The following MYO7A variants were observed in gnomAD, a reference collection of about 807,000 sequenced individuals.
The protein encoded by MYO7A is unconventional myosin-VIIa.
A neutral mutation model predicts 263.8 loss-of-function variants in MYO7A; 210 were observed. That is an observed-to-expected ratio of 0.80 (90% CI 0.71 to 0.89). The LOEUF is 0.89. MYO7A is among the 40% of genes least tolerant of loss of function. The probability of loss-of-function intolerance (pLI) is 0.00; values close to 1 mark genes in which losing one functional copy is unlikely to be tolerated. For synonymous variants in MYO7A, 1,239 were observed against 1,197.3 expected, an observed-to-expected ratio of 1.03 and a Z score of -0.72; for missense variants, 2,820 against 2,968.3, an observed-to-expected ratio of 0.95 and a Z score of 1.16.
intron 37 of MYO7A, among the ~76,000 whole-genome samples, chr11:77,202,816 G>C (rs1186851082): frequency 6.6e-6 from 1 of 152,056 alleles, no homozygotes; most frequent in Non-Finnish European, 1.5e-5. Flanking sequence ...GCAGGGTGGT[G>C]GGGGAGGCTG....
chr11:77,177,676 G>T, intron 19 of MYO7A, 33 bp downstream of exon 19: 1 of 1,553,158 alleles, frequency 6.4e-7, no homozygotes, highest in African/African-American at 1.4e-5. Flanking sequence ...CCCCTCCTCA[G>T]CCCACATACA....
At chr11:77,172,508 T>TC (rs1954192047) in intron 15 of MYO7A, among the ~76,000 whole-genome samples, 1 of 152,066 alleles carries the variant, frequency 6.6e-6, no homozygotes, top group African/African-American at 2.4e-5. Flanking sequence ...AGGGTTCACT[T>TC]CCCCCTCGCC....
At chr11:77,205,654 G>A in intron 40 of MYO7A, 37 bp downstream of exon 40, 2 of 1,610,452 alleles carry the variant, frequency 1.2e-6, no homozygotes, top group Non-Finnish European at 1.7e-6. Context: ...AGACACTGGG[G>A]CGGGCTCCTG....
intron 32 of MYO7A, among the ~76,000 whole-genome samples, chr11:77,196,147 T>A (rs1324860655): frequency 2.0e-5 from 3 of 152,204 alleles, no homozygotes; most frequent in Admixed American, 6.5e-5. Context: ...GGCGGGCGGA[T>A]CATGAGGTCA....
At chr11:77,193,063 G>GGTGATGGTGGAGGTAGTTGTTT (rs1214268995) in intron 31 of MYO7A, among the ~76,000 whole-genome samples, 1 of 95,306 alleles carries the variant, frequency 1.0e-5, no homozygotes, top group Admixed American at 1.2e-4. Flanking sequence ...TGATGGTGTT[G>GGTGATGGTGGAGGTAGTTGTTT]GTGATGGTGG....
intron 3 of MYO7A, among the ~76,000 whole-genome samples, chr11:77,145,947 C>T (rs192348079): frequency 6.6e-6 from 1 of 152,300 alleles, no homozygotes; most frequent in East Asian, 1.9e-4. Flanking sequence ...AGACCTGGTC[C>T]CCCGCAGTCA....
At chr11:77,160,393 C>G (rs1952885028) in intron 11 of MYO7A, 111 bp downstream of exon 11, 3 of 1,413,458 alleles carry the variant, frequency 2.1e-6, no homozygotes, top group East Asian at 5.1e-5. Context: ...GGGTCGCCAC[C>G]CCTGCCTGCC....
At position 77,193,085 on chromosome 11, in the gene MYO7A, T is replaced by TGTGATGGTGGAGGTAGTGATGCTGTTG. The variant is rs1565443746; in HGVS notation, c.4152+824_4152+850dup. Among the ~76,000 whole-genome samples the TGTGATGGTGGAGGTAGTGATGCTGTTG allele has an allele frequency of 6.5e-4, 28 of 42,782 alleles. 5 individuals carry two copies. In the East Asian group the frequency reaches 0.019, roughly 29 times the overall value. 28.1% of individuals were successfully genotyped at this position (42,782 alleles called of 152,430 possible). ...GTTGGTGATGGTGGAGGTAGTTGTT[T>TGTGATGGTGGAGGTAGTGATGCTGTTG]GTGATGGTGGAGGTAGTGATGCTGT... On this transcript the variant is annotated intron_variant, in intron 31 of 48. Transcript: ENST00000409709.
At chr11:77,131,108 G>A (rs1406045729) in intron 2 of MYO7A, among the ~76,000 whole-genome samples, 1 of 152,204 alleles carries the variant, frequency 6.6e-6, no homozygotes, top group Non-Finnish European at 1.5e-5. Context: ...AGAAGCAGAG[G>A]TGCTGGCCCG....
Position 77,162,903 on chromosome 11 carries a change from C to A in MYO7A, c.1605C>A (p.Asn535Lys), listed in dbSNP as rs111033228. 17 of 1,613,776 alleles carry A rather than the reference C, an allele frequency of 1.1e-5. No individual in the cohort carries two copies. The highest frequency in any genetic ancestry group is 1.4e-5 in the Non-Finnish European group (17 of 1,179,844). Residue 535 changes from asparagine to lysine, a missense_variant, in exon 14 of 49, where the codon AAC (asparagine) becomes AAA (lysine). By Grantham distance (94) the Asn-to-Lys change is moderately conservative. Coordinates refer to ENST00000409709, the MANE Select transcript of MYO7A (RefSeq NM_000260.4). ...LHKLNSQHKLNANYIPPKNNH... is the reference protein window; with the variant it reads ...LHKLNSQHKLKANYIPPKNNH... ...AGCTGAACTCCCAGCACAAGCTCAA[C>A]GCCAACTACATCCCCCCCAAGAACA...
intron 30 of MYO7A, 56 bp downstream of exon 30, chr11:77,190,926 G>A (rs988686160): frequency 2.3e-5 from 34 of 1,485,810 alleles, no homozygotes; most frequent in Admixed American, 1.3e-4. Flanking sequence ...GCCCCACTCC[G>A]GGCTGCCAGT....
intron 39 of MYO7A, 144 bp downstream of exon 39, chr11:77,204,373 A>C: frequency 8.4e-7 from 1 of 1,192,100 alleles, no homozygotes; most frequent in Non-Finnish European, 1.2e-6. Flanking sequence ...GCCCCCTCAC[A>C]TCCTAGCTTG....
At chr11:77,200,741 C>T (rs1031363774) in intron 35 of MYO7A, among the ~76,000 whole-genome samples, 1 of 152,270 alleles carries the variant, frequency 6.6e-6, no homozygotes, top group South Asian at 2.1e-4. Context: ...TCTTCTCCCT[C>T]CCTTCTTCTG....
intron 4 of MYO7A, among the ~76,000 whole-genome samples, chr11:77,151,970 C>T (rs1459777596): frequency 1.3e-5 from 2 of 152,180 alleles, no homozygotes; most frequent in East Asian, 3.9e-4. Context: ...GCTGTGTGAC[C>T]TTGGCAAGTC....
At chr11:77,139,930 A>C (rs782778079) in intron 2 of MYO7A, among the ~76,000 whole-genome samples, 3 of 152,164 alleles carry the variant, frequency 2.0e-5, no homozygotes, top group Non-Finnish European at 4.4e-5. Flanking sequence ...CAGAAGTCCT[A>C]AGACCCCAGA....
chr11:77,211,687 C>G, intron 45 of MYO7A, 134 bp from the exon 46 acceptor site: 1 of 681,148 alleles, frequency 1.5e-6, no homozygotes, highest in East Asian at 2.7e-5. Flanking sequence ...CTGTCCTAGT[C>G]CTGGCCCTGA....
chr11:77,137,022 C>T (rs1298993625), intron 2 of MYO7A, among the ~76,000 whole-genome samples: 10 of 152,174 alleles, frequency 6.6e-5, no homozygotes, highest in African/African-American at 1.9e-4. Flanking sequence ...TATATGAACT[C>T]GTGGTAGAAT....
At position 77,199,719 on chromosome 11, in the gene MYO7A, A is replaced by G; in HGVS notation, c.4753A>G (p.Ser1585Gly). The G allele has an allele frequency of 6.2e-7, 1 of 1,613,668 alleles. No individual in the cohort carries two copies. Among genetic ancestry groups the G allele is most frequent in the Non-Finnish European group, 8.5e-7 (1 of 1,179,810 alleles). Reference protein sequence around the residue: ...IKGDEYTFTSSNAEDIRDLVV... With the variant: ...IKGDEYTFTSGNAEDIRDLVV... ...GGGGGACGAATACACCTTCACCTCCAGCAATGCTGAGGACATTCGTGACCT... is the reference window on the plus strand; with the variant it reads ...GGGGGACGAATACACCTTCACCTCCGGCAATGCTGAGGACATTCGTGACCT... The change falls in exon 35 of 49, where the codon AGC (serine) becomes GGC (glycine). Residue 1585 changes from serine to glycine, a missense_variant. Transcript: ENST00000409709.
rs550891509 is a variant in MYO7A, at chr11:77,207,339, C to T, written c.5793C>T (p.Ile1931=). The change falls in exon 42 of 49, where the codon ATC becomes ATT. Residue 1931 remains isoleucine, a synonymous_variant. Coordinates refer to ENST00000409709, the MANE Select transcript of MYO7A (RefSeq NM_000260.4). The stretch of plus-strand genomic sequence containing the variant: ...AGGCCAAGGACTTCTGCCAGAACAT[C>T]GCCACCAGGCTGCTCCTCAAGTCCT... The part of the protein sequence containing the change: ...STKAKDFCQN[I]ATRLLLKSSE... 21 of 1,612,748 alleles carry T rather than the reference C, an allele frequency of 1.3e-5. No homozygotes were observed. The South Asian group carries it at 1.4e-4, about 11-fold the overall frequency.
Sources: gnomAD v4.1 joint callset for allele counts (sites outside exome capture counted in the v4.1 genomes callset) on GRCh38, gnomAD v4.1.1 for gene constraint, MANE v1.5 for transcripts, NCBI Gene and HGNC (gene_info 2026-07-23, HGNC 2026-07-21) for gene names.